The following OPA3 variants were observed in gnomAD, a reference collection of about 807,000 sequenced individuals.
OPA3 encodes outer mitochondrial membrane lipid metabolism regulator OPA3, also known as optic atrophy 3 protein.
In OPA3, 6 loss-of-function variants were observed where a neutral mutation model predicts 4.0. That is an observed-to-expected ratio of 1.51 (90% confidence interval 0.83 to 2.99). The LOEUF (loss-of-function observed/expected upper bound fraction) is 2.99, where lower values mean the gene tolerates loss of function less well. Ranked by LOEUF, OPA3 falls within the 30% of genes most tolerant of loss-of-function variation. OPA3 has a pLI of 0.00. For synonymous variants in OPA3, 105 were observed against 117.1 expected (o/e 0.90, Z 0.67); for missense variants, 235 against 256.2 (o/e 0.92, Z 0.56).
rs930980831 is a variant in OPA3, at chr19:45,547,078, AGGAG to A, written c.*6432_*6435del. 6 of 151,850 alleles carry A rather than the reference AGGAG, an allele frequency of 4.0e-5. No homozygotes were observed. Among genetic ancestry groups the A allele is most frequent in the Middle Eastern group, 3.1e-3 (1 of 318 alleles). 9.4% of individuals were successfully genotyped at this position (151,850 alleles called of 1,614,324 possible). ...GCACTGGGGTCATTTCCTATGGGGA[AGGAG>A]GGAGGGAGGGAGGACTCCACAGAGG... On this transcript the variant is annotated 3_prime_UTR_variant, in exon 2 of 2. Coordinates refer to ENST00000263275, the MANE Select transcript of OPA3 (RefSeq NM_025136.4).
intron 1 of OPA3, among the ~76,000 whole-genome samples, chr19:45,579,859 A>T (rs553799795): frequency 4.6e-5 from 7 of 152,218 alleles, no homozygotes; most frequent in South Asian, 2.1e-4. Flanking sequence ...AGTTAATGTG[A>T]CCATTACATA....
intron 1 of OPA3, among the ~76,000 whole-genome samples, chr19:45,572,595 ATT>A (rs1491415422): frequency 1.0e-4 from 10 of 100,204 alleles, no homozygotes; most frequent in South Asian, 7.0e-4. Flanking sequence ...AAATATATAT[ATT>A]GATATATATC....
rs201438203 is a variant in OPA3, at chr19:45,584,636, G to A, written c.129C>T (p.Leu43=). ...GGTCAGACTCACGTTGAGCCGGCGGGAGGCAGATATAGGTCTTGAAGAACT... is the reference window on the plus strand; with the variant it reads ...GGTCAGACTCACGTTGAGCCGGCGGAAGGCAGATATAGGTCTTGAAGAACT... The part of the protein sequence containing the change: ...RSEFFKTYIC[L]PPAQLYHWVE... Residue 43 remains leucine (L), a synonymous_variant, in exon 1 of 2, where the codon CTC becomes CTT. Transcript: ENST00000263275. 2.5e-6 allele frequency: 4 copies of A among 1,614,224 alleles called. No individual in the cohort carries two copies. Among genetic ancestry groups the A allele is most frequent in the African/African-American group, 2.7e-5 (2 of 75,064 alleles).
At chr19:45,577,661 C>G (rs1417272429) in intron 1 of OPA3, among the ~76,000 whole-genome samples, 1 of 152,200 alleles carries the variant, frequency 6.6e-6, no homozygotes, top group Non-Finnish European at 1.5e-5. Flanking sequence ...AGGAAAGGTT[C>G]TTGACATGGT....
chr19:45,553,667 C>T lies in OPA3; in HGVS notation c.387G>A (p.Leu129=). 1 of 1,605,130 alleles carries T rather than the reference C, an allele frequency of 6.2e-7. No homozygotes were observed. Among genetic ancestry groups the T allele is most frequent in the Non-Finnish European group, 8.5e-7 (1 of 1,178,422 alleles). Residue 129 remains leucine, a synonymous_variant, in exon 2 of 2, where the codon CTG becomes CTA. Transcript: ENST00000263275. ...WNALRDEVGH[L]ALALEALQAQ... is the part of the protein sequence containing the mutation. Reference sequence around the variant, plus strand: ...CCTGCAGCGCTTCCAGCGCCAGCGCCAGGTGGCCCACCTCGTCCCGCAGCG... The same window carrying T: ...CCTGCAGCGCTTCCAGCGCCAGCGCTAGGTGGCCCACCTCGTCCCGCAGCG...
At chr19:45,529,632 A>C (rs1053677193) in intron 1 of OPA3, among the ~76,000 whole-genome samples, 1 of 152,240 alleles carries the variant, frequency 6.6e-6, no homozygotes, top group Non-Finnish European at 1.5e-5. Flanking sequence ...AGAATCCTCT[A>C]GGGAAAACTT....
Position 45,562,884 on chromosome 19 carries a change from C to G in OPA3, c.143-8973G>C, listed in dbSNP as rs573793927. ...TGTAAAATGTTATCATCCGGAGACT[C>G]TGGGTGAAAGGTATGTGGGAACTCT... On this transcript the variant is annotated intron_variant, in intron 1 of 1. Coordinates refer to ENST00000263275, the MANE Select transcript of OPA3 (RefSeq NM_025136.4). 3.9e-5 allele frequency among the ~76,000 whole-genome samples: 6 copies of G among 152,232 alleles called. No individual in the cohort carries two copies. The East Asian group carries it at 5.8e-4, about 15-fold the overall frequency.
rs780275755 is a variant in OPA3, at chr19:45,553,665, G to T, written c.389C>A (p.Ala130Glu). Residue 130 changes from alanine to glutamate, a missense_variant, in exon 2 of 2, where the codon GCG (alanine) becomes GAG (glutamate). Coordinates refer to ENST00000263275, the MANE Select transcript of OPA3 (RefSeq NM_025136.4). ...NALRDEVGHL[A>E]LALEALQAQV... is the part of the protein sequence containing the mutation. The stretch of plus-strand genomic sequence containing the variant: ...CGCCTGCAGCGCTTCCAGCGCCAGC[G>T]CCAGGTGGCCCACCTCGTCCCGCAG... 1.2e-6 allele frequency: 2 copies of T among 1,604,926 alleles called. No individual in the cohort carries two copies. Among genetic ancestry groups the T allele is most frequent in the South Asian group, 2.2e-5 (2 of 90,922 alleles).
chr19:45,564,477 C>T (rs576453914), intron 1 of OPA3, among the ~76,000 whole-genome samples: 2 of 152,330 alleles, frequency 1.3e-5, no homozygotes, highest in East Asian at 1.9e-4. Context: ...AAGTGCCACA[C>T]TGAAAACAAG....
intron 1 of OPA3, among the ~76,000 whole-genome samples, chr19:45,569,383 C>G (rs1969628490): frequency 6.6e-6 from 1 of 152,146 alleles, no homozygotes; most frequent in Admixed American, 6.6e-5. Flanking sequence ...CACTTGAACC[C>G]AGGAGGCAGA....
intron 1 of OPA3, among the ~76,000 whole-genome samples, chr19:45,582,160 T>C (rs372782475): frequency 1.3e-5 from 2 of 151,334 alleles, no homozygotes; most frequent in African/African-American, 4.8e-5. Context: ...ATTTTTATTT[T>C]ATTTTATTTT....
Position 45,548,396 on chromosome 19 carries a change from G to C in OPA3, c.*5118C>G, listed in dbSNP as rs899117691. On this transcript the variant is annotated 3_prime_UTR_variant, in exon 2 of 2. Coordinates refer to ENST00000263275, the MANE Select transcript of OPA3 (RefSeq NM_025136.4). ...GGAGATGGGAGGGGCACAGCCCTCA[G>C]GGCACCTCCCAGGGTTTTGTGAGCT... is the stretch of plus-strand genomic sequence containing the variant. 9.1e-6 allele frequency: 9 copies of C among 985,464 alleles called. No homozygotes were observed. The African/African-American group carries it at 1.6e-4, about 17-fold the overall frequency. The allele number at this position is 985,464 out of a possible 1,614,324, so 61.0% of individuals were successfully genotyped here.
intron 1 of OPA3, among the ~76,000 whole-genome samples, chr19:45,569,145 G>C (rs1599985507): frequency 6.6e-6 from 1 of 152,038 alleles, no homozygotes; most frequent in African/African-American, 2.4e-5. Flanking sequence ...GGGTTTCTAA[G>C]GCTCAGAGGA....
intron 1 of OPA3, among the ~76,000 whole-genome samples, chr19:45,537,867 T>C (rs1969139828): frequency 6.6e-6 from 1 of 152,134 alleles, no homozygotes; most frequent in Non-Finnish European, 1.5e-5. Flanking sequence ...TAATTCTAAG[T>C]GGTGGGTACA....
intron 1 of OPA3, among the ~76,000 whole-genome samples, chr19:45,582,709 T>G (rs1969874941): frequency 6.6e-6 from 1 of 152,062 alleles, no homozygotes; most frequent in Non-Finnish European, 1.5e-5. Context: ...AGTTTATTGA[T>G]CTGGGTAAGG....
exon 2 of OPA3, chr19:45,528,779 G>A: frequency 2.4e-6 from 1 of 418,694 alleles, no homozygotes; most frequent in Non-Finnish European, 4.2e-6. Flanking sequence ...TTTCCAAAGT[G>A]CTCAACAAAT....
Position 45,550,731 on chromosome 19 carries a change from G to T in OPA3, c.*2783C>A, listed in dbSNP as rs1284489988. ...GATTTTAATAAGCTCTGTACCCATT[G>T]TGGAGATCCACATGGTGGTTCAGGT... On this transcript the variant is annotated 3_prime_UTR_variant, in exon 2 of 2. Transcript: ENST00000263275. The T allele has an allele frequency of 1.0e-6, 1 of 985,724 alleles. No homozygotes were observed. The highest frequency in any genetic ancestry group is 1.2e-6 in the Non-Finnish European group (1 of 830,006). 61.1% of individuals were successfully genotyped at this position (985,724 alleles called of 1,614,324 possible).
chr19:45,537,496 C>A (rs1347465503), intron 1 of OPA3, among the ~76,000 whole-genome samples: 2 of 151,428 alleles, frequency 1.3e-5, no homozygotes, highest in African/African-American at 4.9e-5. Flanking sequence ...TGGAAGAAGC[C>A]ATTTGCAATA....
rs760083523 is a variant in OPA3 at position 45,553,848 on chromosome 19, T to G, written c.206A>C (p.Lys69Thr). 6.8e-6 allele frequency: 11 copies of G among 1,612,412 alleles called. No homozygotes were observed. The highest frequency in any genetic ancestry group is 1.6e-4 in the Middle Eastern group (1 of 6,074). Residue 69 changes from lysine to threonine, a missense_variant, in exon 2 of 2, where the codon AAG becomes ACG. Coordinates refer to ENST00000263275, the MANE Select transcript of OPA3 (RefSeq NM_025136.4). ...RIMGFRGTVI[K>T]PLNEEAAAEL... is the part of the protein sequence containing the mutation. ...AGCTGCCGCCTCCTCGTTCAGCGGC[T>G]TGATGACCGTGCCCCGGAAGCCCAT... is the stretch of plus-strand genomic sequence containing the variant.
Sources: allele counts gnomAD v4.1 joint callset (sites outside exome capture counted in the v4.1 genomes callset), GRCh38; gene constraint gnomAD v4.1.1; transcripts MANE v1.5; gene names NCBI Gene and HGNC (gene_info 2026-07-23, HGNC 2026-07-21).